Variants in SLC22A2 observed in about 807,000 individuals in gnomAD.
SLC22A2 encodes solute carrier family 22 member 2.
Under a neutral mutation model 60.5 loss-of-function variants are expected in SLC22A2, and 46 were observed. The observed-to-expected ratio is 0.76, with a 90% CI of 0.60 to 0.97. SLC22A2 has a LOEUF of 0.97. SLC22A2 is among the 50% of genes least tolerant of loss of function. SLC22A2 has a pLI of 0.00. For missense variants in SLC22A2, 701 were observed against 706.6 expected (o/e 0.99, Z 0.09); for synonymous variants, 303 against 267.0 (o/e 1.13, Z -1.31).
At chr6:160,232,664 G>A (rs144393940) in intron 9 of SLC22A2, among the ~76,000 whole-genome samples, 1,587 of 151,646 alleles carry the variant, frequency 0.01, 60 homozygotes, top group African/African-American at 0.037. Context: ...AGATCCCATC[G>A]CTCAGGACAA....
intron 3 of SLC22A2, 105 bp downstream of exon 3, chr6:160,250,443 T>C: frequency 9.8e-7 from 1 of 1,022,820 alleles, no homozygotes; most frequent in Non-Finnish European, 1.5e-6. Context: ...TCTCTCAATA[T>C]TGTCTTGAAG....
chr6:160,235,138 C>T (rs1341523693), intron 9 of SLC22A2, among the ~76,000 whole-genome samples: 1 of 152,098 alleles, frequency 6.6e-6, no homozygotes, highest in African/African-American at 2.4e-5. Flanking sequence ...CCTCATAAAG[C>T]CCAAGGAATT....
At chr6:160,246,122 T>C (rs1783091197) in intron 5 of SLC22A2, among the ~76,000 whole-genome samples, 1 of 151,870 alleles carries the variant, frequency 6.6e-6, no homozygotes, top group Admixed American at 6.6e-5. Context: ...CGCCTCGGCT[T>C]CCCAAAGTGC....
chr6:160,239,722 G>A (rs1782967785), intron 9 of SLC22A2, among the ~76,000 whole-genome samples: 1 of 152,146 alleles, frequency 6.6e-6, no homozygotes. Flanking sequence ...AAAGAAATAG[G>A]GGTCACATAT....
At chr6:160,218,343 T>C (rs1782575186) in intron 10 of SLC22A2, 2 of 201,386 alleles carry the variant, frequency 9.9e-6, no homozygotes, top group Non-Finnish European at 1.9e-5. Flanking sequence ...ATAGCAGCAA[T>C]AGAAGCAGCA....
chr6:160,234,204 C>A (rs1782874024), intron 9 of SLC22A2, among the ~76,000 whole-genome samples: 1 of 152,274 alleles, frequency 6.6e-6, no homozygotes, highest in Non-Finnish European at 1.5e-5. Context: ...AACGGCCCCA[C>A]CCTATCTCCT....
At position 160,216,933 on chromosome 6, in the gene SLC22A2, T is replaced by A. The variant is rs976268345; in HGVS notation, c.*499A>T. The A allele has an allele frequency of 2.0e-5, 3 of 152,162 alleles. No homozygotes were observed. The highest frequency in any genetic ancestry group is 7.2e-5 in the African/African-American group (3 of 41,382). The allele number at this position is 152,162 out of a possible 1,614,324, so 9.4% of individuals were successfully genotyped here. ...ACCTAGATAATAATCAATGTATTTTTAAAAATTTCTTCACCTGTGTTACTG... is the reference window on the plus strand; with the variant it reads ...ACCTAGATAATAATCAATGTATTTTAAAAAATTTCTTCACCTGTGTTACTG... On this transcript the variant is annotated 3_prime_UTR_variant, in exon 11 of 11. Coordinates refer to ENST00000366953, the MANE Select transcript of SLC22A2 (RefSeq NM_003058.4).
At position 160,217,170 on chromosome 6, in the gene SLC22A2, GA is replaced by G. The variant is rs4646240; in HGVS notation, c.*261del. The G allele has an allele frequency of 3.2e-5, 11 of 341,456 alleles. No individual in the cohort carries two copies. The highest frequency in any genetic ancestry group is 6.4e-5 in the African/African-American group (3 of 47,206). 21.2% of individuals were successfully genotyped at this position (341,456 alleles called of 1,614,324 possible). ...TCAAATTTAAAAAAATACAAAGATG[GA>G]AAAAAAACCCTCCAGAAAACCAATG... On this transcript the variant is annotated 3_prime_UTR_variant, in exon 11 of 11. Transcript: ENST00000366953.
At chr6:160,246,619 C>T (rs945980690) in intron 5 of SLC22A2, among the ~76,000 whole-genome samples, 2 of 152,004 alleles carry the variant, frequency 1.3e-5, no homozygotes, top group African/African-American at 2.4e-5. Flanking sequence ...TGGTGGTGCT[C>T]GTCTGTAATT....
At chr6:160,241,348 T>C (rs962781518) in intron 9 of SLC22A2, 126 bp downstream of exon 9, 5 of 624,764 alleles carry the variant, frequency 8.0e-6, no homozygotes, top group Non-Finnish European at 1.4e-5. Context: ...GACACATCAT[T>C]ACTACTATGA....
At chr6:160,226,207 A>G (rs958944155) in intron 9 of SLC22A2, among the ~76,000 whole-genome samples, 3 of 152,170 alleles carry the variant, frequency 2.0e-5, no homozygotes, top group East Asian at 3.8e-4. Flanking sequence ...TCAGCGCAAG[A>G]CAGCTTTGAC....
intron 10 of SLC22A2, among the ~76,000 whole-genome samples, 165 bp from the exon 11 acceptor site, chr6:160,217,663 C>T (rs1004653941): frequency 6.6e-6 from 1 of 152,140 alleles, no homozygotes; most frequent in Non-Finnish European, 1.5e-5. Flanking sequence ...AGAAAATGGA[C>T]AGAACTTGTT....
Position 160,258,816 on chromosome 6 carries a change from G to T in SLC22A2, c.-59C>A. ...ACGTGCCCGGAGCGAGGCTGAGAGCGGCTGCAGCCAGCTCAGCACAAACCC... is the reference window on the plus strand; with the variant it reads ...ACGTGCCCGGAGCGAGGCTGAGAGCTGCTGCAGCCAGCTCAGCACAAACCC... On this transcript the variant is annotated 5_prime_UTR_variant, in exon 1 of 11. Coordinates refer to ENST00000366953, the MANE Select transcript of SLC22A2 (RefSeq NM_003058.4). The T allele has an allele frequency of 6.8e-7, 1 of 1,473,430 alleles. No homozygotes were observed. 91.3% of individuals were successfully genotyped at this position (1,473,430 alleles called of 1,614,324 possible).
At chr6:160,246,512 C>T (rs189497943) in intron 5 of SLC22A2, among the ~76,000 whole-genome samples, 95 of 152,098 alleles carry the variant, frequency 6.2e-4, no homozygotes, top group African/African-American at 2.1e-3. Context: ...TTTGGGAAGC[C>T]GAGGCTGGTG....
At chr6:160,240,640 T>C (rs908943389) in intron 9 of SLC22A2, among the ~76,000 whole-genome samples, 3 of 152,190 alleles carry the variant, frequency 2.0e-5, no homozygotes, top group Non-Finnish European at 4.4e-5. Context: ...CCCTTTTGCA[T>C]AAGGATTCTG....
intron 9 of SLC22A2, 58 bp from the exon 10 acceptor site, chr6:160,224,862 T>A (rs1346360129): frequency 2.0e-6 from 2 of 1,012,668 alleles, no homozygotes; most frequent in Non-Finnish European, 2.8e-6. Flanking sequence ...GGTCTATAAT[T>A]AGAGTTTCCC....
intron 10 of SLC22A2, among the ~76,000 whole-genome samples, chr6:160,219,693 T>A (rs1261003306): frequency 6.6e-6 from 1 of 151,856 alleles, no homozygotes; most frequent in African/African-American, 2.4e-5. Flanking sequence ...AATACAGGCA[T>A]ACCTCAGAGA....
chr6:160,254,849 T>C (rs1783242731), intron 2 of SLC22A2, among the ~76,000 whole-genome samples: 1 of 152,210 alleles, frequency 6.6e-6, no homozygotes, highest in Non-Finnish European at 1.5e-5. Context: ...AGGAATGCAC[T>C]GTCAGTAGGG....
At chr6:160,228,971 T>A (rs13219634) in intron 9 of SLC22A2, among the ~76,000 whole-genome samples, 1 of 151,720 alleles carries the variant, frequency 6.6e-6, no homozygotes, top group African/African-American at 2.4e-5. Flanking sequence ...GACTCAGACC[T>A]CCTGCACCCA....
Sources: gnomAD v4.1 joint callset for allele counts (sites outside exome capture counted in the v4.1 genomes callset) on GRCh38, gnomAD v4.1.1 for gene constraint, MANE v1.5 for transcripts, NCBI Gene and HGNC (gene_info 2026-07-23, HGNC 2026-07-21) for gene names.